IGF2BP3: variants seen among roughly 807,000 people sequenced by gnomAD.
The protein encoded by IGF2BP3 is insulin like growth factor 2 mRNA binding protein 3, also known as insulin-like growth factor 2 mRNA-binding protein 3.
IGF2BP3 carries 9 observed loss-of-function variants against 73.8 expected under a neutral mutation model. That is an observed-to-expected ratio of 0.12 (90% CI 0.07 to 0.21). The LOEUF (loss-of-function observed/expected upper bound fraction) is 0.21, where lower values mean the gene tolerates loss of function less well. IGF2BP3 is among the 10% of genes least tolerant of loss of function. The probability of loss-of-function intolerance (pLI) is 1.00; values close to 1 mark genes in which losing one functional copy is unlikely to be tolerated. For synonymous variants in IGF2BP3, 258 were observed against 256.7 expected, an observed-to-expected ratio of 1.01 and a Z score of -0.05; for missense variants, 542 against 714.0, an observed-to-expected ratio of 0.76 and a Z score of 2.75.
chr7:23,442,857 T>C (rs959056788), intron 2 of IGF2BP3, among the ~76,000 whole-genome samples: 1 of 152,154 alleles, frequency 6.6e-6, no homozygotes, highest in African/African-American at 2.4e-5. Flanking sequence ...ATCTAGTCCT[T>C]TGATAAATTC....
In IGF2BP3 at chr7:23,342,047, A is replaced by C. The variant is rs747983686; in HGVS notation, c.1203+17T>G. On this transcript the variant is annotated intron_variant, in intron 10 of 14. Coordinates refer to ENST00000258729, the MANE Select transcript of IGF2BP3 (RefSeq NM_006547.3). ...ATTTTGCCCAATCACAAAGAAAGCC[A>C]AGGCCAGTTATCTTACCTCAAACTG... The C allele has an allele frequency of 3.2e-6, 5 of 1,547,778 alleles. No homozygotes were observed. In the South Asian group the frequency reaches 6.2e-5, roughly 19 times the overall value.
At chr7:23,374,690 G>C (rs570949695) in intron 3 of IGF2BP3, among the ~76,000 whole-genome samples, 1 of 152,070 alleles carries the variant, frequency 6.6e-6, no homozygotes, top group East Asian at 1.9e-4. Context: ...TAGTGACGAT[G>C]ATGATGATGA....
intron 5 of IGF2BP3, 58 bp from the exon 6 acceptor site, chr7:23,351,644 T>C: frequency 1.3e-6 from 2 of 1,569,924 alleles, no homozygotes; most frequent in Non-Finnish European, 1.7e-6. Flanking sequence ...GACACATCTT[T>C]TAGCAAAGCA....
At chr7:23,457,062 A>G (rs1050408524) in intron 2 of IGF2BP3, among the ~76,000 whole-genome samples, 3 of 151,764 alleles carry the variant, frequency 2.0e-5, no homozygotes, top group Non-Finnish European at 4.4e-5. Flanking sequence ...AAACAAAAAC[A>G]AAAACAAAGA....
At chr7:23,376,540 G>GAAAAAAAAAA (rs763360484) in intron 3 of IGF2BP3, among the ~76,000 whole-genome samples, 1 of 88,672 alleles carries the variant, frequency 1.1e-5, no homozygotes, top group African/African-American at 3.7e-5. Flanking sequence ...ATCTCCCAAA[G>GAAAAAAAAAA]AAAAAAAAAA....
At chr7:23,424,631 C>T (rs1248650629) in intron 2 of IGF2BP3, among the ~76,000 whole-genome samples, 1 of 152,018 alleles carries the variant, frequency 6.6e-6, no homozygotes, top group Non-Finnish European at 1.5e-5. Flanking sequence ...GGCAGGGTAG[C>T]TCATGCCTGT....
chr7:23,421,192 T>C (rs1787334734), intron 2 of IGF2BP3, among the ~76,000 whole-genome samples: 2 of 152,012 alleles, frequency 1.3e-5, no homozygotes, highest in Non-Finnish European at 2.9e-5. Context: ...GTATTTTTAG[T>C]AGAGACGGGG....
At chr7:23,343,040 CTTTAAAA>C (rs1446645693) in intron 9 of IGF2BP3, among the ~76,000 whole-genome samples, 4 of 152,186 alleles carry the variant, frequency 2.6e-5, no homozygotes, top group Non-Finnish European at 5.9e-5. Context: ...AAGTCATTTA[CTTTAAAA>C]TTTAAGACAG....
chr7:23,317,761 TA>T lies in IGF2BP3; in HGVS notation c.1321-49del, dbSNP rs749768890. On this transcript the variant is annotated intron_variant, in intron 11 of 14. Transcript: ENST00000258729. ...TTATGATACTTTCAGGTATCACTGA[TA>T]GGCATCTTGGGCCAACCAGCCTAAC... 22 of 1,504,986 alleles carry T rather than the reference TA, an allele frequency of 1.5e-5. No homozygotes were observed. In the African/African-American group the frequency reaches 3.0e-4, roughly 21 times the overall value. The allele number at this position is 1,504,986 out of a possible 1,614,324, so 93.2% of individuals were successfully genotyped here.
intron 3 of IGF2BP3, among the ~76,000 whole-genome samples, chr7:23,383,543 T>C (rs1203289068): frequency 6.6e-6 from 1 of 152,154 alleles, no homozygotes; most frequent in African/African-American, 2.4e-5. Flanking sequence ...GAATGTAAAA[T>C]GGTGCAGCCA....
At chr7:23,408,319 C>T (rs1288230001) in intron 3 of IGF2BP3, among the ~76,000 whole-genome samples, 1 of 151,944 alleles carries the variant, frequency 6.6e-6, no homozygotes, top group African/African-American at 2.4e-5. Context: ...AGTAGAAAAT[C>T]CCAAGCAATC....
At chr7:23,351,225 CA>C in intron 6 of IGF2BP3, 79 bp downstream of exon 6, 1 of 1,509,974 alleles carries the variant, frequency 6.6e-7, no homozygotes, top group East Asian at 2.3e-5. Flanking sequence ...AGAAGGGCAC[CA>C]AGTACCAGAA....
At position 23,312,241 on chromosome 7, in the gene IGF2BP3, C is replaced by G. The variant is rs552278824; in HGVS notation, c.*121G>C. ...TCAAAAGTTGCCTGGTCCTCAGAAA[C>G]AACTGGCTAGGTAAAAACTTGTGCA... On this transcript the variant is annotated 3_prime_UTR_variant, in exon 15 of 15. Transcript: ENST00000258729. 11 of 727,722 alleles carry G rather than the reference C, an allele frequency of 1.5e-5. No homozygotes were observed. In the Admixed American group the frequency reaches 1.6e-4, roughly 10 times the overall value. The allele number at this position is 727,722 out of a possible 1,614,324, so 45.1% of individuals were successfully genotyped here. A position where few individuals can be genotyped will look rare whatever the true frequency, so the allele number is the denominator to read the frequency against.
intron 2 of IGF2BP3, among the ~76,000 whole-genome samples, chr7:23,454,016 C>T (rs889433270): frequency 6.6e-6 from 1 of 152,190 alleles, no homozygotes; most frequent in South Asian, 2.1e-4. Flanking sequence ...TTTGCAGGGA[C>T]GGGGTTTCGC....
chr7:23,417,284 C>T (rs552494179), intron 3 of IGF2BP3, among the ~76,000 whole-genome samples: 102 of 152,256 alleles, frequency 6.7e-4, no homozygotes, highest in Middle Eastern at 6.8e-3. Flanking sequence ...AAGCATCTTA[C>T]GATTCAGTAT....
chr7:23,459,433 A>G (rs1317127144), intron 2 of IGF2BP3, among the ~76,000 whole-genome samples: 1 of 152,216 alleles, frequency 6.6e-6, no homozygotes, highest in African/African-American at 2.4e-5. Flanking sequence ...CCCTAAAATA[A>G]CCAGGTAAAG....
chr7:23,365,022 C>CA (rs1785334329), intron 3 of IGF2BP3, among the ~76,000 whole-genome samples: 1 of 151,972 alleles, frequency 6.6e-6, no homozygotes, highest in African/African-American at 2.4e-5. Context: ...AAACATTAGC[C>CA]TGCAGTGGTG....
At chr7:23,429,308 A>G (rs977229716) in intron 2 of IGF2BP3, among the ~76,000 whole-genome samples, 11 of 152,228 alleles carry the variant, frequency 7.2e-5, no homozygotes, top group Non-Finnish European at 1.5e-4. Flanking sequence ...ATAAGAACCC[A>G]AAAAAGTGCT....
intron 2 of IGF2BP3, among the ~76,000 whole-genome samples, chr7:23,445,142 T>C (rs1489731166): frequency 6.6e-6 from 1 of 152,210 alleles, no homozygotes; most frequent in Non-Finnish European, 1.5e-5. Flanking sequence ...TCACAGATGC[T>C]CACATATACA....
Sources: allele counts gnomAD v4.1 joint callset (sites outside exome capture counted in the v4.1 genomes callset), GRCh38; gene constraint gnomAD v4.1.1; transcripts MANE v1.5; gene names NCBI Gene and HGNC (gene_info 2026-07-23, HGNC 2026-07-21).